Variants in SUCLG2 observed in about 807,000 individuals in gnomAD.
SUCLG2 encodes the protein succinate-CoA ligase GDP-forming subunit beta, also known as succinate--CoA ligase [GDP-forming] subunit beta, mitochondrial.
A neutral mutation model predicts 47.9 loss-of-function variants in SUCLG2; 42 were observed. The ratio of observed to expected loss-of-function variants is 0.88; its 90% confidence interval spans 0.69 to 1.14. SUCLG2 has a LOEUF of 1.14. Among genes scored for constraint, SUCLG2 ranks in the 50% most tolerant of loss-of-function variants. The pLI, the probability that SUCLG2 is intolerant of heterozygous loss-of-function variation, is 0.00. For synonymous variants in SUCLG2, 195 were observed against 197.3 expected (o/e 0.99, Z 0.10); for missense variants, 571 against 525.9 (o/e 1.09, Z -0.84).
chr3:67,379,271 A>G (rs1185826178), intron 10 of SUCLG2, among the ~76,000 whole-genome samples: 1 of 152,112 alleles, frequency 6.6e-6, no homozygotes, highest in Non-Finnish European at 1.5e-5. Flanking sequence ...CCTCCTGCAG[A>G]GACGTAGACT....
At chr3:67,565,666 T>C (rs189491316) in intron 2 of SUCLG2, among the ~76,000 whole-genome samples, 1 of 152,198 alleles carries the variant, frequency 6.6e-6, no homozygotes, top group African/African-American at 2.4e-5. Context: ...TCCACTGTGA[T>C]GTTTATCATA....
intron 1 of SUCLG2, among the ~76,000 whole-genome samples, chr3:67,619,551 G>A (rs1700695802): frequency 6.6e-6 from 1 of 152,186 alleles, no homozygotes; most frequent in Non-Finnish European, 1.5e-5. Context: ...GTACAGAGCT[G>A]TACCGAATAT....
chr3:67,547,239 C>T (rs1706890551), intron 2 of SUCLG2, among the ~76,000 whole-genome samples: 1 of 152,118 alleles, frequency 6.6e-6, no homozygotes, highest in Non-Finnish European at 1.5e-5. Flanking sequence ...AAAGCAGGCT[C>T]GCCTCAGACA....
At chr3:67,477,379 T>C (rs1242451737) in intron 9 of SUCLG2, among the ~76,000 whole-genome samples, 2 of 152,174 alleles carry the variant, frequency 1.3e-5, no homozygotes, top group Non-Finnish European at 2.9e-5. Context: ...ACAGTACTTC[T>C]CACAATCAGT....
rs150250823 is a variant in SUCLG2 at position 67,392,213 on chromosome 3, A to G, written c.1183+8518T>C. Among the ~76,000 whole-genome samples the G allele has an allele frequency of 1.2e-4, 19 of 152,110 alleles. No individual in the cohort carries two copies. In the East Asian group the frequency reaches 3.7e-3, roughly 30 times the overall value. ...TCCTTACTAGGACCAGTTTCACTTC[A>G]CAGTGACATCTTTCACCTCTCCTGC... is the stretch of plus-strand genomic sequence containing the variant. On this transcript the variant is annotated intron_variant, in intron 10 of 10. Coordinates refer to ENST00000307227, the MANE Select transcript of SUCLG2 (RefSeq NM_003848.4).
chr3:67,549,896 T>C (rs932881426), intron 2 of SUCLG2, among the ~76,000 whole-genome samples: 3 of 152,154 alleles, frequency 2.0e-5, no homozygotes, highest in African/African-American at 7.2e-5. Context: ...GAACGTATAT[T>C]GTATCTGCAA....
chr3:67,412,034 A>T (rs1222154337), intron 9 of SUCLG2, among the ~76,000 whole-genome samples: 2 of 152,210 alleles, frequency 1.3e-5, no homozygotes, highest in Admixed American at 1.3e-4. Flanking sequence ...CAGCAGTATT[A>T]AGTGTCACTG....
intron 1 of SUCLG2, among the ~76,000 whole-genome samples, chr3:67,610,182 A>G (rs1700502268): frequency 6.6e-6 from 1 of 152,176 alleles, no homozygotes; most frequent in East Asian, 1.9e-4. Context: ...AGACTAATTC[A>G]TTTCTTTACC....
Position 67,447,736 on chromosome 3 carries a change from C to T in SUCLG2, c.1063-46885G>A, listed in dbSNP as rs151067941. Among the ~76,000 whole-genome samples, 291 of 152,212 alleles carry T rather than the reference C, an allele frequency of 1.9e-3. 1 individual carries two copies. Among genetic ancestry groups the T allele is most frequent in the African/African-American group, 6.6e-3 (274 of 41,500 alleles). On this transcript the variant is annotated intron_variant, in intron 9 of 10. Transcript: ENST00000307227. ...TTATTTATTGAGACAATTATTAATG[C>T]ATTTATTTATTGAGACGGAGTCTTG...
chr3:67,632,705 T>C (rs868128520), intron 1 of SUCLG2, among the ~76,000 whole-genome samples: 1 of 151,950 alleles, frequency 6.6e-6, no homozygotes, highest in Non-Finnish European at 1.5e-5. Context: ...AATCATAAGG[T>C]AGGTAAAGGG....
At chr3:67,635,135 C>T (rs1700987423) in intron 1 of SUCLG2, among the ~76,000 whole-genome samples, 1 of 152,154 alleles carries the variant, frequency 6.6e-6, no homozygotes, top group Non-Finnish European at 1.5e-5. Context: ...GCCAGCAAAA[C>T]AACATGAAGT....
At chr3:67,523,495 T>C (rs1267579179) in intron 4 of SUCLG2, among the ~76,000 whole-genome samples, 1 of 152,198 alleles carries the variant, frequency 6.6e-6, no homozygotes, top group Admixed American at 6.5e-5. Flanking sequence ...CTTGAAACCG[T>C]AAATTCTTTC....
intron 9 of SUCLG2, among the ~76,000 whole-genome samples, chr3:67,410,078 T>A (rs1198935669): frequency 6.6e-6 from 1 of 152,208 alleles, no homozygotes; most frequent in East Asian, 1.9e-4. Flanking sequence ...TTAATTTAGT[T>A]ATTTTCTGCA....
chr3:67,427,649 C>G (rs1277532769), intron 9 of SUCLG2, among the ~76,000 whole-genome samples: 2 of 152,118 alleles, frequency 1.3e-5, no homozygotes, highest in African/African-American at 4.8e-5. Context: ...GGAGCACGAG[C>G]CGAAGCAGGG....
chr3:67,618,043 G>A (rs1700661731), intron 1 of SUCLG2, among the ~76,000 whole-genome samples: 1 of 152,124 alleles, frequency 6.6e-6, no homozygotes, highest in Non-Finnish European at 1.5e-5. Flanking sequence ...TTCTATACTT[G>A]AATCACTCAA....
At chr3:67,519,680 T>G (rs1171361977) in intron 5 of SUCLG2, among the ~76,000 whole-genome samples, 2 of 152,130 alleles carry the variant, frequency 1.3e-5, no homozygotes, top group African/African-American at 4.8e-5. Context: ...CTAAAAGAAA[T>G]AATGAATGTT....
chr3:67,395,575 G>T (rs1249318695), intron 10 of SUCLG2, among the ~76,000 whole-genome samples: 2 of 152,218 alleles, frequency 1.3e-5, no homozygotes, highest in African/African-American at 4.8e-5. Context: ...AATAATGGGA[G>T]ACTTTAACAC....
At chr3:67,503,861 G>A (rs893678976) in intron 7 of SUCLG2, among the ~76,000 whole-genome samples, 1 of 152,184 alleles carries the variant, frequency 6.6e-6, no homozygotes, top group Non-Finnish European at 1.5e-5. Flanking sequence ...GATTCTGTGA[G>A]CTGCTAATTC....
At chr3:67,496,077 T>C (rs903556222) in intron 8 of SUCLG2, 137 bp from the exon 9 acceptor site, 3 of 1,007,804 alleles carry the variant, frequency 3.0e-6, no homozygotes, top group Admixed American at 5.0e-5. Context: ...TGGAATTCCA[T>C]TAAACCAGAT....
Sources: gnomAD v4.1 joint callset for allele counts (sites outside exome capture counted in the v4.1 genomes callset) on GRCh38, gnomAD v4.1.1 for gene constraint, MANE v1.5 for transcripts, NCBI Gene and HGNC (gene_info 2026-07-23, HGNC 2026-07-21) for gene names.